Variants in ME2 observed in about 807,000 individuals in gnomAD.
ME2 encodes the protein NAD-dependent malic enzyme, mitochondrial.
A neutral mutation model predicts 73.7 loss-of-function variants in ME2; 60 were observed. The observed-to-expected ratio is 0.81, with a 90% confidence interval of 0.66 to 1.01. The LOEUF (loss-of-function observed/expected upper bound fraction) is 1.01. Among genes scored for constraint, ME2 ranks in the 50% least tolerant of loss-of-function variants. The pLI is 0.00. For synonymous variants in ME2, 199 were observed against 236.9 expected (o/e 0.84, Z 1.47); for missense variants, 594 against 705.5 (o/e 0.84, Z 1.79).
intron 2 of ME2, among the ~76,000 whole-genome samples, chr18:50,904,042 G>T (rs1916952262): frequency 6.6e-6 from 1 of 152,016 alleles, no homozygotes; most frequent in Non-Finnish European, 1.5e-5. Context: ...CTGTTGTTAG[G>T]TATGTCTATA....
intron 11 of ME2, among the ~76,000 whole-genome samples, chr18:50,924,807 A>G (rs1917508290): frequency 6.6e-6 from 1 of 151,106 alleles, no homozygotes; most frequent in South Asian, 2.1e-4. Context: ...CCAGCCTCCC[A>G]AGTAGCTGGG....
chr18:50,915,930 C>T, intron 4 of ME2: 7 of 326,660 alleles, frequency 2.1e-5, no homozygotes, highest in Admixed American at 9.7e-5. Flanking sequence ...TACATTTCTT[C>T]TTGGGTAAAA....
intron 1 of ME2, 25 bp downstream of exon 1, chr18:50,879,333 G>T (rs2144167650): frequency 1.3e-5 from 2 of 151,866 alleles, no homozygotes; most frequent in Admixed American, 1.3e-4. Flanking sequence ...GGTGGGGCCC[G>T]GGCGGGGGTC....
chr18:50,946,032 A>C (rs1186404099), intron 15 of ME2, among the ~76,000 whole-genome samples: 1 of 152,158 alleles, frequency 6.6e-6, no homozygotes, highest in Non-Finnish European at 1.5e-5. Flanking sequence ...GTGCCACTGC[A>C]CTCCAGCCTG....
intron 1 of ME2, among the ~76,000 whole-genome samples, chr18:50,890,884 C>G (rs947364299): frequency 6.6e-6 from 1 of 152,170 alleles, no homozygotes; most frequent in African/African-American, 2.4e-5. Flanking sequence ...CCAACCCCTT[C>G]TAGCATGGCC....
chr18:50,892,892 G>A (rs753006489), intron 1 of ME2, among the ~76,000 whole-genome samples: 4 of 152,016 alleles, frequency 2.6e-5, no homozygotes, highest in African/African-American at 7.2e-5. Context: ...TTGGGAGGCC[G>A]AGGTGGGCGG....
In ME2 at chr18:50,952,071, C is replaced by T. The variant is rs1918239558; in HGVS notation, c.*4887C>T. On this transcript the variant is annotated 3_prime_UTR_variant, in exon 16 of 16. Transcript: ENST00000321341. ...CCTGTTTCCATCCAAGACAAGACCA[C>T]ACGTGTTCAGGTGCCATGTATTCAT... The T allele has an allele frequency of 1.3e-5, 2 of 152,036 alleles. No homozygotes were observed. Among genetic ancestry groups the T allele is most frequent in the African/African-American group, 4.8e-5 (2 of 41,394 alleles). The allele number at this position is 152,036 out of a possible 1,614,324, so 9.4% of individuals were successfully genotyped here.
chr18:50,941,736 G>T (rs569520622), intron 15 of ME2, among the ~76,000 whole-genome samples: 1 of 150,418 alleles, frequency 6.6e-6, no homozygotes, highest in Non-Finnish European at 1.5e-5. Context: ...TTTTTAAGGT[G>T]TTTTAAGGCT....
At chr18:50,902,927 C>A (rs927792952) in intron 2 of ME2, among the ~76,000 whole-genome samples, 7 of 152,106 alleles carry the variant, frequency 4.6e-5, no homozygotes, top group African/African-American at 9.7e-5. Context: ...CCTTTACTGG[C>A]CCCCTAGCAT....
chr18:50,917,525 T>A lies in ME2; in HGVS notation c.630+17T>A. ...GATAATATCGTGAGTAACATCATTTTCCCCCTTTATCTTCCTCCTGTATTT... is the reference window on the plus strand; with the variant it reads ...GATAATATCGTGAGTAACATCATTTACCCCCTTTATCTTCCTCCTGTATTT... On this transcript the variant is annotated intron_variant, in intron 6 of 15. Coordinates refer to ENST00000321341, the MANE Select transcript of ME2 (RefSeq NM_002396.5). 1 of 1,524,878 alleles carries A rather than the reference T, an allele frequency of 6.6e-7. No homozygotes were observed. Among genetic ancestry groups the A allele is most frequent in the South Asian group, 1.3e-5 (1 of 77,126 alleles). The allele number at this position is 1,524,878 out of a possible 1,614,324, so 94.5% of individuals were successfully genotyped here. A position where few individuals can be genotyped will look rare whatever the true frequency, so the allele number is the denominator to read the frequency against.
At chr18:50,924,470 GA>G (rs888839560) in intron 11 of ME2, among the ~76,000 whole-genome samples, 24 of 152,034 alleles carry the variant, frequency 1.6e-4, no homozygotes, top group African/African-American at 5.8e-4. Flanking sequence ...CTCAAAACAT[GA>G]AAAAAACCAA....
At chr18:50,885,403 A>T (rs1341272084) in intron 1 of ME2, among the ~76,000 whole-genome samples, 1 of 152,080 alleles carries the variant, frequency 6.6e-6, no homozygotes, top group Non-Finnish European at 1.5e-5. Context: ...CTGTAGTCTC[A>T]ACTACTTGGG....
chr18:50,943,967 G>A (rs561035943), intron 15 of ME2, among the ~76,000 whole-genome samples: 193 of 152,222 alleles, frequency 1.3e-3, no homozygotes, highest in Non-Finnish European at 2.3e-3. Context: ...TGTAATCACA[G>A]CACTTTCAAA....
rs776136601 is a variant in ME2 at position 50,947,263 on chromosome 18, T to C, written c.*79T>C. On this transcript the variant is annotated 3_prime_UTR_variant, in exon 16 of 16. Coordinates refer to ENST00000321341, the MANE Select transcript of ME2 (RefSeq NM_002396.5). The stretch of plus-strand genomic sequence containing the variant: ...CAAGAAGAGATAATGTCTTCAGTTT[T>C]ATGGTGTTTTCTGTGTTTTGTTCTC... 146 of 1,434,242 alleles carry C rather than the reference T, an allele frequency of 1.0e-4. No homozygotes were observed. The highest frequency in any genetic ancestry group is 1.4e-4 in the Non-Finnish European group (142 of 1,050,640). The allele number at this position is 1,434,242 out of a possible 1,614,324, so 88.8% of individuals were successfully genotyped here.
intron 15 of ME2, among the ~76,000 whole-genome samples, chr18:50,943,360 C>T (rs1199737342): frequency 6.6e-6 from 1 of 151,768 alleles, no homozygotes; most frequent in Non-Finnish European, 1.5e-5. Flanking sequence ...AGTGCAGCGA[C>T]GTGATCTCAG....
At chr18:50,935,750 T>TAAAA (rs1917802092) in intron 13 of ME2, 1 of 18,780 alleles carries the variant, frequency 5.3e-5, no homozygotes, top group East Asian at 1.6e-3. Flanking sequence ...AGACCCTGTC[T>TAAAA]CAAAAAAAAA....
At chr18:50,923,876 A>G (rs2144243027) in intron 10 of ME2, among the ~76,000 whole-genome samples, 1 of 152,318 alleles carries the variant, frequency 6.6e-6, no homozygotes, top group Middle Eastern at 3.4e-3. Context: ...GAGAGGAACT[A>G]GAAAGTTTCT....
intron 1 of ME2, among the ~76,000 whole-genome samples, chr18:50,881,122 G>C (rs1367115997): frequency 6.6e-6 from 1 of 152,298 alleles, no homozygotes; most frequent in South Asian, 2.1e-4. Context: ...TCTGCCTTCC[G>C]CGTTCAAGCG....
chr18:50,918,158 C>G lies in ME2; in HGVS notation c.679C>G (p.Arg227Gly). 6.2e-7 allele frequency: 1 copy of G among 1,608,990 alleles called. No individual in the cohort carries two copies. Among genetic ancestry groups the G allele is most frequent in the Non-Finnish European group, 8.5e-7 (1 of 1,176,654 alleles). ...CATGGGCTTGTACCAGAAACGAGAT[C>G]GCACACAACAGTATGATGACCTGAT... ...FYMGLYQKRDRTQQYDDLIDE... is the reference protein window; with the variant it reads ...FYMGLYQKRDGTQQYDDLIDE... The change falls in exon 7 of 16, where the codon CGC becomes GGC. Residue 227 changes from arginine (R) to glycine (G), a missense_variant. Transcript: ENST00000321341.
Sources: gnomAD v4.1 joint callset for allele counts (sites outside exome capture counted in the v4.1 genomes callset) on GRCh38, gnomAD v4.1.1 for gene constraint, MANE v1.5 for transcripts, NCBI Gene and HGNC (gene_info 2026-07-23, HGNC 2026-07-21) for gene names.